SNX27: variants seen among roughly 807,000 people sequenced by gnomAD.
The protein encoded by SNX27 is sorting nexin 27.
A neutral mutation model predicts 71.6 loss-of-function variants in SNX27; 22 were observed. That is an observed-to-expected ratio of 0.31 (90% CI 0.22 to 0.44). The LOEUF (loss-of-function observed/expected upper bound fraction) is 0.44, where lower values mean the gene tolerates loss of function less well. Ranked by LOEUF, SNX27 falls within the 20% of genes least tolerant of loss-of-function variation. The pLI, the probability that SNX27 is intolerant of heterozygous loss-of-function variation, is 1.00. For missense variants in SNX27, 531 were observed against 698.6 expected (o/e 0.76, Z 2.70); for synonymous variants, 269 against 277.2 (o/e 0.97, Z 0.29).
intron 7 of SNX27, chr1:151,676,249 GT>G (rs1252895741): frequency 7.8e-5 from 7 of 89,342 alleles, no homozygotes; most frequent in South Asian, 4.3e-4. Flanking sequence ...CATTGTTTTT[GT>G]TTTTATCTTA....
chr1:151,653,920 C>T (rs149199808), intron 2 of SNX27, among the ~76,000 whole-genome samples: 2,876 of 150,952 alleles, frequency 0.019, 39 homozygotes, highest in Non-Finnish European at 0.03. Flanking sequence ...GCAACCTCCA[C>T]CTCCTGGGTT....
chr1:151,693,430 T>G lies in SNX27; in HGVS notation c.1525T>G (p.Tyr509Asp). The G allele has an allele frequency of 6.2e-7, 1 of 1,614,122 alleles. No homozygotes were observed. The highest frequency in any genetic ancestry group is 1.7e-5 in the Admixed American group (1 of 60,008). The stretch of plus-strand genomic sequence containing the variant: ...TCACCACCTTTTTTTTCAGTTCAAT[T>G]ACATGCATGAGTGCTTCGAGAGGGT... ...WVKIFTPYFN[Y>D]MHECFERVFC... The change falls in exon 11 of 12, where the codon TAC (tyrosine) becomes GAC (aspartate). Residue 509 changes from tyrosine (Y) to aspartate (D), a missense_variant. Physicochemically the swap from Tyr to Asp is radical, Grantham distance 160. Transcript: ENST00000458013.
chr1:151,687,188 T>C (rs1471835903), intron 8 of SNX27, among the ~76,000 whole-genome samples: 2 of 152,224 alleles, frequency 1.3e-5, no homozygotes, highest in African/African-American at 4.8e-5. Flanking sequence ...TATGCTTTTC[T>C]TATGTTGAAG....
chr1:151,666,052 C>G, intron 6 of SNX27, 41 bp downstream of exon 6: 1 of 1,490,126 alleles, frequency 6.7e-7, no homozygotes, highest in Non-Finnish European at 9.3e-7. Flanking sequence ...TTTTCTAATA[C>G]TATGAGAAAG....
rs1558079032 is a variant in SNX27, at chr1:151,693,420, T to G, written c.1519-4T>G. The G allele has an allele frequency of 6.2e-7, 1 of 1,613,970 alleles. No homozygotes were observed. Among genetic ancestry groups the G allele is most frequent in the African/African-American group, 1.3e-5 (1 of 74,902 alleles). ...TTAGTGAGTGTCACCACCTTTTTTT[T>G]CAGTTCAATTACATGCATGAGTGCT... On this transcript the variant is annotated splice_polypyrimidine_tract_variant and splice_region_variant and intron_variant, in intron 10 of 11. Transcript: ENST00000458013.
At chr1:151,692,365 G>A in intron 8 of SNX27, 70 bp from the exon 9 acceptor site, 1 of 1,420,124 alleles carries the variant, frequency 7.0e-7, no homozygotes. Flanking sequence ...GCTCTTTATT[G>A]TGTTTAATAC....
chr1:151,669,153 T>G (rs1362187912), intron 7 of SNX27: 1 of 152,388 alleles, frequency 6.6e-6, no homozygotes, highest in Non-Finnish European at 1.5e-5. Context: ...TCCAGCAGCA[T>G]CTCTTCATTT....
At chr1:151,629,495 G>GTGTATATATACACATATATACA (rs1491263540) in intron 1 of SNX27, 6 of 149,060 alleles carry the variant, frequency 4.0e-5, no homozygotes, top group African/African-American at 1.5e-4. Context: ...ATACATGTAT[G>GTGTATATATACACATATATACA]CGTATATATA....
chr1:151,622,898 C>T (rs890225175), intron 1 of SNX27, among the ~76,000 whole-genome samples: 6 of 152,146 alleles, frequency 3.9e-5, no homozygotes, highest in Non-Finnish European at 4.4e-5. Flanking sequence ...AAGGGATTCT[C>T]CCATCTCAGC....
rs1446364065 is a variant in SNX27 at position 151,643,025 on chromosome 1, G to A, written c.543+3906G>A. 2.0e-5 allele frequency among the ~76,000 whole-genome samples: 3 copies of A among 152,066 alleles called. No individual in the cohort carries two copies. In the South Asian group the frequency reaches 6.2e-4, roughly 32 times the overall value. On this transcript the variant is annotated intron_variant, in intron 2 of 11. Transcript: ENST00000458013. ...GTTGCCCAGGTTGGAGTGCAACGGC[G>A]TGATCTTGGCTCACTGTAACCTCTG...
intron 2 of SNX27, among the ~76,000 whole-genome samples, chr1:151,650,951 A>C (rs1245344304): frequency 6.6e-6 from 1 of 152,190 alleles, no homozygotes; most frequent in African/African-American, 2.4e-5. Flanking sequence ...CCCAAGGCAG[A>C]AGAAGTTTTC....
At chr1:151,679,584 A>C (rs1670848941) in intron 7 of SNX27, 1 of 152,210 alleles carries the variant, frequency 6.6e-6, no homozygotes, top group Admixed American at 6.5e-5. Flanking sequence ...TCTAAGTAAA[A>C]GAGTTTTGAT....
intron 2 of SNX27, among the ~76,000 whole-genome samples, chr1:151,652,164 A>G (rs1403564991): frequency 7.6e-6 from 1 of 131,478 alleles, no homozygotes; most frequent in Admixed American, 8.8e-5. Flanking sequence ...TCGGCTCCGC[A>G]TGAGAGGGAG....
chr1:151,651,929 C>G (rs1245098694), intron 2 of SNX27, among the ~76,000 whole-genome samples: 1 of 151,988 alleles, frequency 6.6e-6, no homozygotes, highest in Non-Finnish European at 1.5e-5. Context: ...ACTGAGTGAA[C>G]GAGACTCCGT....
chr1:151,636,885 A>T (rs1668482657), intron 1 of SNX27, among the ~76,000 whole-genome samples: 1 of 152,114 alleles, frequency 6.6e-6, no homozygotes, highest in Non-Finnish European at 1.5e-5. Context: ...ATCTATATAC[A>T]TAGTACCTCT....
intron 1 of SNX27, among the ~76,000 whole-genome samples, chr1:151,635,595 C>T (rs1345757254): frequency 1.3e-5 from 2 of 152,036 alleles, no homozygotes; most frequent in Non-Finnish European, 2.9e-5. Flanking sequence ...CCTCTTAATT[C>T]TTCAGGAAGG....
At chr1:151,665,612 A>G (rs192787153) in intron 5 of SNX27, among the ~76,000 whole-genome samples, 1 of 152,172 alleles carries the variant, frequency 6.6e-6, no homozygotes, top group Admixed American at 6.5e-5. Flanking sequence ...AAATAGAATG[A>G]AGTTATTTTA....
intron 1 of SNX27, among the ~76,000 whole-genome samples, chr1:151,631,472 T>C (rs1668230655): frequency 6.6e-6 from 1 of 152,188 alleles, no homozygotes; most frequent in African/African-American, 2.4e-5. Context: ...TGGGCTAAAA[T>C]AGAAACAATT....
chr1:151,644,459 A>G (rs971639281), intron 2 of SNX27, among the ~76,000 whole-genome samples: 15 of 152,208 alleles, frequency 9.9e-5, no homozygotes, highest in Non-Finnish European at 7.3e-5. Context: ...AGCATGCATC[A>G]GTACTTCATT....
Sources: gnomAD v4.1 joint callset for allele counts (sites outside exome capture counted in the v4.1 genomes callset) on GRCh38, gnomAD v4.1.1 for gene constraint, MANE v1.5 for transcripts, NCBI Gene and HGNC (gene_info 2026-07-23, HGNC 2026-07-21) for gene names.